DENND5B: variants seen among roughly 807,000 people sequenced by gnomAD.
DENND5B encodes DENN domain-containing protein 5B.
DENND5B carries 34 observed loss-of-function variants against 140.6 expected under a neutral mutation model. The ratio of observed to expected loss-of-function variants is 0.24; its 90% CI spans 0.18 to 0.32. The LOEUF (loss-of-function observed/expected upper bound fraction) is 0.32. Among genes scored for constraint, DENND5B ranks in the 10% least tolerant of loss-of-function variants. The probability of loss-of-function intolerance (pLI) is 1.00; values close to 1 mark genes in which losing one functional copy is unlikely to be tolerated. For missense variants in DENND5B, 1,142 were observed against 1,560.2 expected, an observed-to-expected ratio of 0.73 and a Z score of 4.52; for synonymous variants, 551 against 562.1, an observed-to-expected ratio of 0.98 and a Z score of 0.28.
chr12:31,569,634 C>T (rs1565705368), intron 1 of DENND5B, among the ~76,000 whole-genome samples: 2 of 151,754 alleles, frequency 1.3e-5, no homozygotes, highest in Admixed American at 6.6e-5. Context: ...TGTGGTGAAC[C>T]CTGTCTCTAT....
In DENND5B at chr12:31,590,983, GC is replaced by G. The variant is rs1950600994; in HGVS notation, c.-152del. ...CGCGCAGCCGCCTCTCGCCGCCGCAGCCTGCCTCCTCGCTCGGCGCGGGGGA... is the reference window on the plus strand; with the variant it reads ...CGCGCAGCCGCCTCTCGCCGCCGCAGCTGCCTCCTCGCTCGGCGCGGGGGA... On this transcript the variant is annotated 5_prime_UTR_variant, in exon 1 of 21. Transcript: ENST00000389082. 2.3e-6 allele frequency: 2 copies of G among 884,190 alleles called. No homozygotes were observed. The highest frequency in any genetic ancestry group is 1.0e-3 in the Middle Eastern group (2 of 1,954). 54.8% of individuals were successfully genotyped at this position (884,190 alleles called of 1,614,324 possible).
At chr12:31,478,680 G>A (rs1945931949) in intron 3 of DENND5B, among the ~76,000 whole-genome samples, 1 of 142,622 alleles carries the variant, frequency 7.0e-6, no homozygotes, top group South Asian at 2.3e-4. Flanking sequence ...CAGCCTGGGT[G>A]ACGGAGTGAG....
intron 17 of DENND5B, among the ~76,000 whole-genome samples, chr12:31,397,549 C>A (rs200074418): frequency 4.1e-4 from 20 of 49,314 alleles, no homozygotes; most frequent in Admixed American, 1.9e-3. Flanking sequence ...TTCCATCTCA[C>A]AAAAAAAAAA....
intron 11 of DENND5B, among the ~76,000 whole-genome samples, chr12:31,420,743 C>A (rs965442212): frequency 6.6e-6 from 1 of 152,118 alleles, no homozygotes; most frequent in Non-Finnish European, 1.5e-5. Context: ...CACACTCAGT[C>A]CTCCCAACGA....
chr12:31,445,278 C>A (rs1353108937), intron 6 of DENND5B, among the ~76,000 whole-genome samples: 4 of 152,172 alleles, frequency 2.6e-5, no homozygotes, highest in Non-Finnish European at 5.9e-5. Flanking sequence ...GCTTCCTGTG[C>A]CAGAAATCAG....
chr12:31,396,066 T>G (rs1022568401), intron 17 of DENND5B, among the ~76,000 whole-genome samples: 2 of 143,528 alleles, frequency 1.4e-5, no homozygotes, highest in African/African-American at 5.1e-5. Flanking sequence ...GTTTTTTTTT[T>G]TTTTTTTTTT....
chr12:31,402,665 T>C, intron 14 of DENND5B, 22 bp from the exon 15 acceptor site: 1 of 1,581,326 alleles, frequency 6.3e-7, no homozygotes, highest in Non-Finnish European at 8.6e-7. Flanking sequence ...ATGCAGAAAT[T>C]AATTAAAAAG....
intron 1 of DENND5B, among the ~76,000 whole-genome samples, chr12:31,571,500 A>C (rs2139400504): frequency 6.6e-6 from 1 of 152,372 alleles, no homozygotes; most frequent in South Asian, 2.1e-4. Context: ...TTTAAAAAAA[A>C]AAAGTTGCAA....
intron 13 of DENND5B, among the ~76,000 whole-genome samples, chr12:31,412,798 T>C (rs779674238): frequency 2.6e-5 from 4 of 152,216 alleles, no homozygotes; most frequent in Admixed American, 2.0e-4. Flanking sequence ...ACAACCTGTA[T>C]ACAGGTTTTA....
intron 1 of DENND5B, among the ~76,000 whole-genome samples, chr12:31,528,377 T>C (rs1948160575): frequency 6.6e-6 from 1 of 152,180 alleles, no homozygotes; most frequent in African/African-American, 2.4e-5. Flanking sequence ...TGTGATAGCA[T>C]TTAGAGCCAA....
chr12:31,422,512 A>G (rs1253178744), intron 11 of DENND5B, among the ~76,000 whole-genome samples: 2 of 152,078 alleles, frequency 1.3e-5, no homozygotes, highest in African/African-American at 4.8e-5. Context: ...GAGGCAGGAG[A>G]ATCACTTGAA....
At chr12:31,549,538 AATTTTT>A (rs1948969247) in intron 1 of DENND5B, among the ~76,000 whole-genome samples, 2 of 149,882 alleles carry the variant, frequency 1.3e-5, no homozygotes, top group African/African-American at 4.9e-5. Context: ...TATTTTTTTT[AATTTTT>A]ATTTTTATTT....
chr12:31,473,985 G>C (rs984966070), intron 3 of DENND5B, among the ~76,000 whole-genome samples: 1 of 152,146 alleles, frequency 6.6e-6, no homozygotes, highest in Non-Finnish European at 1.5e-5. Flanking sequence ...GCAAAGTACT[G>C]TTTGGTTTAT....
rs145629219 is a variant in DENND5B, at chr12:31,525,618, T to C, written c.128-29699A>G. On this transcript the variant is annotated intron_variant, in intron 1 of 20. Coordinates refer to ENST00000389082, the MANE Select transcript of DENND5B (RefSeq NM_144973.4). ...ATGGTTGCACAACTCTGTGAATATA[T>C]GCATAGCAATTGAATTGTTTGCTTT... Among the ~76,000 whole-genome samples, 16 of 152,366 alleles carry C rather than the reference T, an allele frequency of 1.1e-4. No individual in the cohort carries two copies. The East Asian group carries it at 3.1e-3, about 29-fold the overall frequency.
At chr12:31,425,356 G>C (rs893825513) in intron 9 of DENND5B, among the ~76,000 whole-genome samples, 1 of 152,138 alleles carries the variant, frequency 6.6e-6, no homozygotes, top group African/African-American at 2.4e-5. Flanking sequence ...TGTACTGTCA[G>C]AATATGGAAC....
chr12:31,526,249 G>A (rs1054944334), intron 1 of DENND5B, among the ~76,000 whole-genome samples: 2 of 152,026 alleles, frequency 1.3e-5, no homozygotes, highest in African/African-American at 4.8e-5. Context: ...TACCTAACAC[G>A]TCTTTACTAC....
chr12:31,590,962 C>CAGCCGCCT lies in DENND5B; in HGVS notation c.-138_-131dup, dbSNP rs1950599930. On this transcript the variant is annotated 5_prime_UTR_variant, in exon 1 of 21. Transcript: ENST00000389082. ...CGACACTGGCGCGCCCATGGCCGCG[C>CAGCCGCCT]AGCCGCCTCTCGCCGCCGCAGCCTG... The CAGCCGCCT allele has an allele frequency of 2.0e-6, 2 of 1,019,298 alleles. No homozygotes were observed. The highest frequency in any genetic ancestry group is 1.1e-4 in the Admixed American group (2 of 19,010). 63.1% of individuals were successfully genotyped at this position (1,019,298 alleles called of 1,614,324 possible).
At chr12:31,551,276 C>A (rs1005477471) in intron 1 of DENND5B, among the ~76,000 whole-genome samples, 6 of 152,330 alleles carry the variant, frequency 3.9e-5, no homozygotes, top group Admixed American at 6.5e-5. Flanking sequence ...CAGCTTTCCA[C>A]ATATGGCTAG....
intron 11 of DENND5B, among the ~76,000 whole-genome samples, chr12:31,421,190 C>T (rs1943005072): frequency 6.6e-6 from 1 of 152,000 alleles, no homozygotes; most frequent in Admixed American, 6.6e-5. Context: ...ATTACAGACA[C>T]CTGCCACCCA....
Sources: gnomAD v4.1 joint callset for allele counts (sites outside exome capture counted in the v4.1 genomes callset) on GRCh38, gnomAD v4.1.1 for gene constraint, MANE v1.5 for transcripts, NCBI Gene and HGNC (gene_info 2026-07-23, HGNC 2026-07-21) for gene names.